The following POU6F2 variants were observed in gnomAD, a reference collection of about 807,000 sequenced individuals.
The protein encoded by POU6F2 is POU class 6 homeobox 2.
A neutral mutation model predicts 71.3 loss-of-function variants in POU6F2; 31 were observed. The ratio of observed to expected loss-of-function variants is 0.43; its 90% confidence interval spans 0.33 to 0.59. The LOEUF (loss-of-function observed/expected upper bound fraction) is 0.59, where lower values mean the gene tolerates loss of function less well. POU6F2 is among the 20% of genes least tolerant of loss of function. The pLI is 0.04. For missense variants in POU6F2, 783 were observed against 856.8 expected (o/e 0.91, Z 1.07); for synonymous variants, 347 against 355.7 (o/e 0.98, Z 0.27).
At chr7:39,013,779 G>C (rs1421515380) in intron 1 of POU6F2, among the ~76,000 whole-genome samples, 1 of 151,536 alleles carries the variant, frequency 6.6e-6, no homozygotes, top group Non-Finnish European at 1.5e-5. Flanking sequence ...GCTGCTGTAA[G>C]TCAATGAGTG....
At chr7:39,312,272 G>T (rs1326722214) in intron 4 of POU6F2, among the ~76,000 whole-genome samples, 1 of 152,166 alleles carries the variant, frequency 6.6e-6, no homozygotes, top group East Asian at 1.9e-4. Flanking sequence ...GTGAATCTTT[G>T]CTATAAGGCA....
chr7:39,355,794 G>T (rs1465615386), intron 5 of POU6F2, among the ~76,000 whole-genome samples: 1 of 152,162 alleles, frequency 6.6e-6, no homozygotes, highest in Non-Finnish European at 1.5e-5. Context: ...ATTAAAATGA[G>T]AGACTAAGTA....
chr7:39,423,479 G>A (rs3819421), intron 6 of POU6F2, among the ~76,000 whole-genome samples: 44,668 of 151,970 alleles, frequency 0.29, 6,959 homozygotes, highest in East Asian at 0.55. Flanking sequence ...TTTGCTGAGT[G>A]AGTGAGTGAG....
chr7:39,019,381 C>G (rs1789627715), intron 1 of POU6F2, among the ~76,000 whole-genome samples: 1 of 152,132 alleles, frequency 6.6e-6, no homozygotes, highest in African/African-American at 2.4e-5. Flanking sequence ...TCTTTAGAAT[C>G]CTTGTGTTCC....
chr7:39,060,573 G>A (rs1413003578), intron 1 of POU6F2, among the ~76,000 whole-genome samples: 4 of 152,126 alleles, frequency 2.6e-5, no homozygotes, highest in Admixed American at 1.3e-4. Context: ...TGTATTGTCC[G>A]AGTATGAGAG....
In POU6F2 at chr7:39,466,023, T is replaced by A. The variant is rs1186599045; in HGVS notation, c.*1337T>A. On this transcript the variant is annotated 3_prime_UTR_variant, in exon 10 of 10. Transcript: ENST00000518318. The stretch of plus-strand genomic sequence containing the variant: ...GCAACTGGATCATTAAAGGCCATCG[T>A]GTATCCTGTTAATCTCATCTTTTCT... The A allele has an allele frequency of 2.0e-5, 3 of 152,212 alleles. No individual in the cohort carries two copies. The East Asian group carries it at 5.8e-4, about 29-fold the overall frequency. The allele number at this position is 152,212 out of a possible 1,614,324, so 9.4% of individuals were successfully genotyped here. A position where few individuals can be genotyped will look rare whatever the true frequency, so the allele number is the denominator to read the frequency against.
At chr7:39,294,917 T>G (rs1360601143) in intron 4 of POU6F2, among the ~76,000 whole-genome samples, 1 of 152,142 alleles carries the variant, frequency 6.6e-6, no homozygotes, top group Non-Finnish European at 1.5e-5. Flanking sequence ...GGCCTGGGAC[T>G]TATGTTGAAA....
At chr7:39,117,405 T>C (rs1421705714) in intron 2 of POU6F2, among the ~76,000 whole-genome samples, 1 of 152,160 alleles carries the variant, frequency 6.6e-6, no homozygotes, top group Non-Finnish European at 1.5e-5. Flanking sequence ...GAGTTAAACA[T>C]GGGTGATTGA....
chr7:39,114,634 C>G (rs1584549672), intron 2 of POU6F2, among the ~76,000 whole-genome samples: 1 of 151,756 alleles, frequency 6.6e-6, no homozygotes, highest in Admixed American at 6.6e-5. Context: ...TATTAAAGAC[C>G]AGCAATTTTA....
intron 1 of POU6F2, among the ~76,000 whole-genome samples, chr7:39,021,944 C>CT (rs1276061947): frequency 7.9e-5 from 12 of 152,084 alleles, no homozygotes; most frequent in Non-Finnish European, 1.5e-4. Flanking sequence ...TATTTTCCTT[C>CT]TTTTTTACTA....
At chr7:39,252,375 C>T (rs1584626271) in intron 4 of POU6F2, among the ~76,000 whole-genome samples, 1 of 137,352 alleles carries the variant, frequency 7.3e-6, no homozygotes, top group East Asian at 2.3e-4. Flanking sequence ...CACACAAACA[C>T]ACACACATAC....
Position 39,406,858 on chromosome 7 carries a change from T to C in POU6F2, c.1113+118T>C, listed in dbSNP as rs529466380. 2.6e-5 allele frequency: 35 copies of C among 1,356,898 alleles called. No homozygotes were observed. The South Asian group carries it at 3.9e-4, about 15-fold the overall frequency. The allele number at this position is 1,356,898 out of a possible 1,614,324, so 84.1% of individuals were successfully genotyped here. On this transcript the variant is annotated intron_variant, in intron 6 of 9. Coordinates refer to ENST00000518318, the MANE Select transcript of POU6F2 (RefSeq NM_001370959.1). ...GCATCTATTCGAGGCAAATAAATAA[T>C]GTTTACTAGCAATGTCAAGAATAGG...
intron 4 of POU6F2, among the ~76,000 whole-genome samples, chr7:39,257,935 A>G (rs550981411): frequency 1.3e-5 from 2 of 152,314 alleles, no homozygotes; most frequent in South Asian, 4.2e-4. Context: ...ATGCAGAGGG[A>G]ACATAAAATT....
chr7:39,257,326 A>G (rs1164819154), intron 4 of POU6F2, among the ~76,000 whole-genome samples: 1 of 152,196 alleles, frequency 6.6e-6, no homozygotes, highest in Non-Finnish European at 1.5e-5. Context: ...TTATTTAGTC[A>G]TTGTAAAGCC....
In POU6F2 at chr7:39,230,932, G is replaced by A. The variant is rs548428499; in HGVS notation, c.598+23312G>A. Among the ~76,000 whole-genome samples the A allele has an allele frequency of 2.0e-5, 3 of 152,276 alleles. No individual in the cohort carries two copies. The South Asian group carries it at 6.2e-4, about 32-fold the overall frequency. On this transcript the variant is annotated intron_variant, in intron 4 of 9. Transcript: ENST00000518318. ...TAAGCACAGTAGTTTTCAACTGGGGGTGAGTCTTCCCCTACTCCCCCAGGG... is the reference window on the plus strand; with the variant it reads ...TAAGCACAGTAGTTTTCAACTGGGGATGAGTCTTCCCCTACTCCCCCAGGG...
rs151013154 is a variant in POU6F2, at chr7:39,420,570, C to T, written c.1114-12507C>T. On this transcript the variant is annotated intron_variant, in intron 6 of 9. Coordinates refer to ENST00000518318, the MANE Select transcript of POU6F2 (RefSeq NM_001370959.1). ...TCAGAAAGTACTAAAAACTTACCTTCTCAGAAACCAAATATGATACTACAA... is the reference window on the plus strand; with the variant it reads ...TCAGAAAGTACTAAAAACTTACCTTTTCAGAAACCAAATATGATACTACAA... Among the ~76,000 whole-genome samples the T allele has an allele frequency of 2.0e-5, 3 of 152,310 alleles. No individual in the cohort carries two copies. In the East Asian group the frequency reaches 5.8e-4, roughly 29 times the overall value.
chr7:39,290,574 G>A (rs1784733713), intron 4 of POU6F2, among the ~76,000 whole-genome samples: 1 of 152,178 alleles, frequency 6.6e-6, no homozygotes, highest in African/African-American at 2.4e-5. Flanking sequence ...TATATTCAAA[G>A]TTAATTATCA....
In POU6F2 at chr7:39,149,736, A is replaced by G. The variant is rs1387918407; in HGVS notation, c.278-54499A>G. ...CATTCTCTGTGTATTTGAGCCCTTT[A>G]TATATATGTGTGTGTATATATATAT... is the stretch of plus-strand genomic sequence containing the variant. On this transcript the variant is annotated intron_variant, in intron 2 of 9. Transcript: ENST00000518318. 3.3e-5 allele frequency among the ~76,000 whole-genome samples: 5 copies of G among 152,206 alleles called. No individual in the cohort carries two copies. In the South Asian group the frequency reaches 1.0e-3, roughly 32 times the overall value.
At chr7:38,982,269 A>G (rs1788339553) in intron 1 of POU6F2, among the ~76,000 whole-genome samples, 1 of 152,196 alleles carries the variant, frequency 6.6e-6, no homozygotes, top group Non-Finnish European at 1.5e-5. Flanking sequence ...TTGCTTCAAC[A>G]AATTTATGTA....
Sources: gnomAD v4.1 joint callset for allele counts (sites outside exome capture counted in the v4.1 genomes callset) on GRCh38, gnomAD v4.1.1 for gene constraint, MANE v1.5 for transcripts, NCBI Gene and HGNC (gene_info 2026-07-23, HGNC 2026-07-21) for gene names.